CACNA2D4: variants seen among roughly 807,000 people sequenced by gnomAD.
CACNA2D4 encodes calcium voltage-gated channel auxiliary subunit alpha2delta 4, also known as voltage-dependent calcium channel subunit alpha-2/delta-4.
Under a neutral mutation model 163.8 loss-of-function variants are expected in CACNA2D4, and 157 were observed. The observed-to-expected ratio is 0.96, with a 90% CI of 0.84 to 1.09. The LOEUF is 1.09. CACNA2D4 is among the 50% of genes least tolerant of loss of function. The probability of loss-of-function intolerance (pLI) is 0.00; values close to 1 mark genes in which losing one functional copy is unlikely to be tolerated. For synonymous variants in CACNA2D4, 598 were observed against 586.9 expected, an observed-to-expected ratio of 1.02 and a Z score of -0.27; for missense variants, 1,410 against 1,479.9, an observed-to-expected ratio of 0.95 and a Z score of 0.78.
At chr12:1,870,648 A>G (rs116682294) in intron 18 of CACNA2D4, among the ~76,000 whole-genome samples, 1,850 of 151,974 alleles carry the variant, frequency 0.012, 35 homozygotes, top group African/African-American at 0.043. Flanking sequence ...TTCAGAGTTT[A>G]TAATTGTTAT....
Position 1,797,468 on chromosome 12 carries a change from C to A in CACNA2D4, c.3063G>T (p.Gln1021His). ...CDTEYPVFVY[Q>H]PAIREANGIV... ...TCCCGTTGGCCTCCCGGATGGCCGG[C>A]TGGTACACGAACACGGGGTACTCCG... The change falls in exon 35 of 38, where the codon CAG becomes CAT. Residue 1021 changes from glutamine (Q) to histidine (H), a missense_variant. Coordinates refer to ENST00000382722, the MANE Select transcript of CACNA2D4 (RefSeq NM_172364.5). 6.3e-7 allele frequency: 1 copy of A among 1,586,016 alleles called. No homozygotes were observed. Among genetic ancestry groups the A allele is most frequent in the Non-Finnish European group, 8.6e-7 (1 of 1,169,132 alleles).
rs1050770695 is a variant in CACNA2D4, at chr12:1,833,012, C to T, written c.2551+7727G>A. 2.6e-5 allele frequency among the ~76,000 whole-genome samples: 4 copies of T among 152,174 alleles called. No individual in the cohort carries two copies. Among genetic ancestry groups the T allele is most frequent in the African/African-American group, 9.7e-5 (4 of 41,424 alleles). Reference sequence around the variant, plus strand: ...TGCTGCAGGCCACCGAGGTGTCAGCCGCACAGGGGAACTAGGCCGGGTGTC... The same window carrying T: ...TGCTGCAGGCCACCGAGGTGTCAGCTGCACAGGGGAACTAGGCCGGGTGTC... On this transcript the variant is annotated intron_variant, in intron 26 of 37. Coordinates refer to ENST00000382722, the MANE Select transcript of CACNA2D4 (RefSeq NM_172364.5). This position sits in a 1 kb window ranked among gnomAD's most constrained non-coding sequence, Gnocchi z 4.2.
rs761858908 is a variant in CACNA2D4, at chr12:1,802,246, C to T, written c.2722-602G>A. Among the ~76,000 whole-genome samples, 4 of 152,092 alleles carry T rather than the reference C, an allele frequency of 2.6e-5. No homozygotes were observed. The highest frequency in any genetic ancestry group is 4.8e-5 in the African/African-American group (2 of 41,406). ...GTCCCCTCCATGACAATGACCTAAC[C>T]GGATCCCTTGCCCTGTCTCCATTGC... On this transcript the variant is annotated intron_variant, in intron 29 of 37. Transcript: ENST00000382722. This position sits in a 1 kb window ranked among gnomAD's most constrained non-coding sequence, Gnocchi z 4.7.
At chr12:1,894,615 A>C (rs935452647) in intron 6 of CACNA2D4, among the ~76,000 whole-genome samples, 2 of 27,070 alleles carry the variant, frequency 7.4e-5, no homozygotes, top group Non-Finnish European at 1.2e-4. Flanking sequence ...AATATATGAC[A>C]TCAAAAGAAT....
intron 6 of CACNA2D4, among the ~76,000 whole-genome samples, chr12:1,901,829 A>G (rs1031054647): frequency 6.6e-6 from 1 of 152,112 alleles, no homozygotes; most frequent in Non-Finnish European, 1.5e-5. Flanking sequence ...AGGAGAAGGA[A>G]ATACTTCCAA....
intron 29 of CACNA2D4, among the ~76,000 whole-genome samples, chr12:1,804,743 C>T (rs1204528485): frequency 6.6e-6 from 1 of 152,260 alleles, no homozygotes; most frequent in East Asian, 1.9e-4. Flanking sequence ...GCCTCTTCCC[C>T]ATCCTCGCTC....
At chr12:1,901,841 C>T (rs1050290613) in intron 6 of CACNA2D4, among the ~76,000 whole-genome samples, 1 of 152,076 alleles carries the variant, frequency 6.6e-6, no homozygotes. Flanking sequence ...TACTTCCAAA[C>T]TCAGTACACA....
chr12:1,914,823 C>A (rs1207359507), intron 2 of CACNA2D4, 31 bp downstream of exon 2: 3 of 1,539,000 alleles, frequency 1.9e-6, no homozygotes, highest in Non-Finnish European at 1.8e-6. Context: ...CCTCTGCCAC[C>A]CGGTGGGCTC....
intron 26 of CACNA2D4, among the ~76,000 whole-genome samples, chr12:1,824,722 G>C (rs920527647): frequency 2.6e-5 from 4 of 152,204 alleles, no homozygotes; most frequent in African/African-American, 9.6e-5. Context: ...CCCAATGTAG[G>C]TCACCCCCTT....
rs988040780 is a variant in CACNA2D4 at position 1,820,348 on chromosome 12, C to A, written c.2552-8625G>T. 5.3e-5 allele frequency: 8 copies of A among 152,238 alleles called. No homozygotes were observed. The highest frequency in any genetic ancestry group is 1.9e-4 in the African/African-American group (8 of 41,450). 9.4% of individuals were successfully genotyped at this position (152,238 alleles called of 1,614,324 possible). On this transcript the variant is annotated intron_variant, in intron 26 of 37. Transcript: ENST00000382722. This position sits in a 1 kb window ranked among gnomAD's most constrained non-coding sequence, Gnocchi z 6.0. ...GTCGGCAGCGATTCATCCACAGGCG[C>A]CTTTTTCCACTGAAATGTGAGCGTG...
Position 1,918,344 on chromosome 12 carries a change from A to G in CACNA2D4, c.130T>C (p.Trp44Arg). The G allele has an allele frequency of 6.2e-7, 1 of 1,608,732 alleles. No individual in the cohort carries two copies. Among genetic ancestry groups the G allele is most frequent in the South Asian group, 1.1e-5 (1 of 89,882 alleles). The change falls in exon 1 of 38, where the codon TGG becomes CGG. Residue 44 changes from tryptophan to arginine, a missense_variant. Coordinates refer to ENST00000382722, the MANE Select transcript of CACNA2D4 (RefSeq NM_172364.5). Reference sequence around the variant, plus strand: ...GCCGAGGTCTTCTGCACAAAGGCCCAGGCCACGGGCATTGGCTGGAGGGGA... The same window carrying G: ...GCCGAGGTCTTCTGCACAAAGGCCCGGGCCACGGGCATTGGCTGGAGGGGA... ...WIPLQPMPVA[W>R]AFVQKTSALL...
At chr12:1,797,978 A>C (rs888035022) in intron 34 of CACNA2D4, among the ~76,000 whole-genome samples, 2 of 152,066 alleles carry the variant, frequency 1.3e-5, no homozygotes, top group African/African-American at 4.8e-5. Context: ...GTTCCTGGGC[A>C]ATCCTGCCCT....
rs1468237739 is a variant in CACNA2D4, at chr12:1,898,784, T to C, written c.781+8656A>G. ...GGAAATTCTGACATATGCTACAACA[T>C]GGATGGACCTTAAGGGCATTATGCT... On this transcript the variant is annotated intron_variant, in intron 6 of 37. Coordinates refer to ENST00000382722, the MANE Select transcript of CACNA2D4 (RefSeq NM_172364.5). 2.6e-5 allele frequency among the ~76,000 whole-genome samples: 4 copies of C among 152,164 alleles called. No homozygotes were observed. In the East Asian group the frequency reaches 7.7e-4, roughly 29 times the overall value.
At chr12:1,825,490 G>A (rs146621930) in intron 26 of CACNA2D4, among the ~76,000 whole-genome samples, 5 of 152,324 alleles carry the variant, frequency 3.3e-5, no homozygotes, top group South Asian at 2.1e-4. Flanking sequence ...GGCTGGAGGC[G>A]GCTTACACAT....
chr12:1,898,153 T>C (rs1592742963), intron 6 of CACNA2D4, among the ~76,000 whole-genome samples: 2 of 152,204 alleles, frequency 1.3e-5, no homozygotes, highest in South Asian at 2.1e-4. Flanking sequence ...AATTTCAAAA[T>C]ATTTAGAAGC....
intron 26 of CACNA2D4, among the ~76,000 whole-genome samples, chr12:1,813,434 C>T (rs551706562): frequency 6.6e-6 from 1 of 152,218 alleles, no homozygotes; most frequent in Non-Finnish European, 1.5e-5. Flanking sequence ...TACATCTGTG[C>T]TGTCCTAAAC....
intron 23 of CACNA2D4, among the ~76,000 whole-genome samples, chr12:1,848,889 T>C (rs1366172361): frequency 1.3e-5 from 2 of 152,198 alleles, no homozygotes; most frequent in African/African-American, 4.8e-5. Flanking sequence ...ATAACAGCCG[T>C]GCCTCCACAG....
In CACNA2D4 at chr12:1,810,319, C is replaced by T. The variant is rs777701038; in HGVS notation, c.2680G>A (p.Asp894Asn). Reference sequence around the variant, plus strand: ...GAGATCAGAATGAACCCGTTGTTGTCGATGACGAAGCAGTCCAGATCCTGG... The same window carrying T: ...GAGATCAGAATGAACCCGTTGTTGTTGATGACGAAGCAGTCCAGATCCTGG... Reference protein sequence around the residue: ...EDSDLDCFVIDNNGFILISKR... With the variant: ...EDSDLDCFVINNNGFILISKR... The change falls in exon 29 of 38, where the codon GAC becomes AAC. Residue 894 changes from aspartate (D) to asparagine (N), a missense_variant. Physicochemically the swap from Asp to Asn is conservative, Grantham distance 23. Coordinates refer to ENST00000382722, the MANE Select transcript of CACNA2D4 (RefSeq NM_172364.5). 1.1e-5 allele frequency: 17 copies of T among 1,613,770 alleles called. No individual in the cohort carries two copies. The highest frequency in any genetic ancestry group is 4.0e-5 in the African/African-American group (3 of 74,932).
intron 26 of CACNA2D4, chr12:1,831,195 T>C (rs1592691423): frequency 3.5e-5 from 57 of 1,613,730 alleles, no homozygotes; most frequent in Non-Finnish European, 4.8e-5. Flanking sequence ...GCTGCCCCGC[T>C]CCATTTTCGG....
Sources: gnomAD v4.1 joint callset for allele counts (sites outside exome capture counted in the v4.1 genomes callset) on GRCh38, gnomAD v4.1.1 for gene constraint, Gnocchi (gnomAD v3.1) non-coding constraint, MANE v1.5 for transcripts, NCBI Gene and HGNC (gene_info 2026-07-23, HGNC 2026-07-21) for gene names.